HIPK2: variants seen among roughly 807,000 people sequenced by gnomAD.
HIPK2 encodes homeodomain-interacting protein kinase 2.
Under a neutral mutation model 113.7 loss-of-function variants are expected in HIPK2, and 27 were observed. That is an observed-to-expected ratio of 0.24 (90% confidence interval 0.17 to 0.33). The LOEUF (loss-of-function observed/expected upper bound fraction) is 0.33. Among genes scored for constraint, HIPK2 ranks in the 10% least tolerant of loss-of-function variants. The pLI, the probability that HIPK2 is intolerant of heterozygous loss-of-function variation, is 1.00. For missense variants in HIPK2, 1,257 were observed against 1,588.0 expected, an observed-to-expected ratio of 0.79 and a Z score of 3.54; for synonymous variants, 631 against 642.2, an observed-to-expected ratio of 0.98 and a Z score of 0.26.
chr7:139,636,115 T>C (rs6976775), intron 2 of HIPK2, among the ~76,000 whole-genome samples: 31,024 of 152,096 alleles, frequency 0.2, 4,731 homozygotes, highest in African/African-American at 0.43. Flanking sequence ...CTGTCACATC[T>C]GTTGATCAAC....
At chr7:139,732,817 A>ATGTGTG (rs1188145093) in intron 1 of HIPK2, among the ~76,000 whole-genome samples, 41 of 132,122 alleles carry the variant, frequency 3.1e-4, no homozygotes, top group African/African-American at 1.4e-3. Context: ...TATTATATAT[A>ATGTGTG]TATGTGTGTG....
At chr7:139,620,912 A>G (rs1273504599) in intron 6 of HIPK2, among the ~76,000 whole-genome samples, 1 of 152,140 alleles carries the variant, frequency 6.6e-6, no homozygotes, top group Non-Finnish European at 1.5e-5. Flanking sequence ...CTGGCCCACA[A>G]ACCAATGTAT....
chr7:139,727,225 G>A (rs900873513), intron 1 of HIPK2, among the ~76,000 whole-genome samples: 1 of 152,130 alleles, frequency 6.6e-6, no homozygotes, highest in African/African-American at 2.4e-5. Context: ...TGAGTCACAG[G>A]GAAACATCAA....
At chr7:139,710,817 T>C (rs771538571) in intron 2 of HIPK2, among the ~76,000 whole-genome samples, 2 of 152,148 alleles carry the variant, frequency 1.3e-5, no homozygotes, top group Non-Finnish European at 2.9e-5. Context: ...GTTCTTGTGA[T>C]TGTGAGTTCT....
At chr7:139,599,572 C>T (rs554690522) in intron 11 of HIPK2, among the ~76,000 whole-genome samples, 1 of 152,280 alleles carries the variant, frequency 6.6e-6, no homozygotes, top group Admixed American at 6.5e-5. Flanking sequence ...GATTTGTGTT[C>T]TGCTGGTTAG....
At chr7:139,634,072 T>G (rs1585305205) in intron 2 of HIPK2, among the ~76,000 whole-genome samples, 2 of 151,590 alleles carry the variant, frequency 1.3e-5, no homozygotes, top group Non-Finnish European at 2.9e-5. Flanking sequence ...ATTTGCACCA[T>G]TGCACTCCAG....
rs748601389 is a variant in HIPK2 at position 139,600,590 on chromosome 7, C to G, written c.2262G>C (p.Thr754=). ...GATTATAATGGCTTCCGTGAGCATG[C>G]GTATTTCTGAAAGGCAACCGGGACA... is the stretch of plus-strand genomic sequence containing the variant. ...GTQQLADWRN[T]HAHGSHYNPI... Residue 754 remains threonine, a synonymous_variant, in exon 11 of 15, where the codon ACG becomes ACC. Transcript: ENST00000406875. 3 of 1,613,574 alleles carry G rather than the reference C, an allele frequency of 1.9e-6. No homozygotes were observed. Among genetic ancestry groups the G allele is most frequent in the Admixed American group, 1.7e-5 (1 of 60,000 alleles).
At chr7:139,760,053 A>AGT (rs1464502733) in intron 1 of HIPK2, among the ~76,000 whole-genome samples, 1 of 150,356 alleles carries the variant, frequency 6.7e-6, no homozygotes, top group Non-Finnish European at 1.5e-5. Context: ...CCCAGGCTGG[A>AGT]GTGCAGTGGC....
chr7:139,712,126 A>T lies in HIPK2; in HGVS notation c.1103+3806T>A, dbSNP rs1441019953. On this transcript the variant is annotated intron_variant, in intron 2 of 14. Coordinates refer to ENST00000406875, the MANE Select transcript of HIPK2 (RefSeq NM_022740.5). ...CAGCTGACAGTTAATGACATAACTG[A>T]CCTTCGAATTGGAAGGGAATACCCC... Among the ~76,000 whole-genome samples, 3 of 152,204 alleles carry T rather than the reference A, an allele frequency of 2.0e-5. No individual in the cohort carries two copies. In the East Asian group the frequency reaches 5.8e-4, roughly 29 times the overall value.
intron 5 of HIPK2, among the ~76,000 whole-genome samples, chr7:139,627,873 G>A (rs369292882): frequency 5.9e-5 from 9 of 152,368 alleles, no homozygotes; most frequent in African/African-American, 1.9e-4. Context: ...CTGAGACTGT[G>A]TAGCAGATTG....
Position 139,572,907 on chromosome 7 carries a change from CCCT to C in HIPK2, c.*17_*19del. On this transcript the variant is annotated 3_prime_UTR_variant, in exon 15 of 15. Transcript: ENST00000406875. ...CGGGCCATTCTCTCCCTCCCTCCCTCCCTCCCTCCCCTCCAGTGTTTATATGTA... is the reference window on the plus strand; with the variant it reads ...CGGGCCATTCTCTCCCTCCCTCCCTCCCCTCCCCTCCAGTGTTTATATGTA... 1.6e-6 allele frequency: 1 copy of C among 617,806 alleles called. No homozygotes were observed. Among genetic ancestry groups the C allele is most frequent in the South Asian group, 1.9e-5 (1 of 51,948 alleles). 38.3% of individuals were successfully genotyped at this position (617,806 alleles called of 1,614,324 possible).
chr7:139,658,199 A>G (rs868818187), intron 2 of HIPK2, among the ~76,000 whole-genome samples: 12 of 152,162 alleles, frequency 7.9e-5, no homozygotes, highest in South Asian at 4.2e-4. Context: ...CCAGCTACTC[A>G]GGAGGCTGAG....
At chr7:139,640,580 T>C (rs1338331435) in intron 2 of HIPK2, among the ~76,000 whole-genome samples, 1 of 152,224 alleles carries the variant, frequency 6.6e-6, no homozygotes, top group African/African-American at 2.4e-5. Flanking sequence ...TGAACAATAC[T>C]AAACCACTTA....
At chr7:139,701,403 G>C (rs895418774) in intron 2 of HIPK2, among the ~76,000 whole-genome samples, 15,467 of 152,202 alleles carry the variant, frequency 0.1, 1,304 homozygotes, top group African/African-American at 0.21. Flanking sequence ...TAGACATGAG[G>C]CTTAAAACTT....
At chr7:139,741,044 G>C (rs1243846127) in intron 1 of HIPK2, among the ~76,000 whole-genome samples, 1 of 152,150 alleles carries the variant, frequency 6.6e-6, no homozygotes, top group African/African-American at 2.4e-5. Context: ...CTACTCAGGA[G>C]GCTGAGGCAG....
Position 139,573,103 on chromosome 7 carries a change from C to G in HIPK2, c.3421G>C (p.Val1141Leu). 1 of 1,611,756 alleles carries G rather than the reference C, an allele frequency of 6.2e-7. No individual in the cohort carries two copies. Among genetic ancestry groups the G allele is most frequent in the Non-Finnish European group, 8.5e-7 (1 of 1,179,094 alleles). The change falls in exon 15 of 15, where the codon GTC becomes CTC. Residue 1141 changes from valine (V) to leucine (L), a missense_variant. Around this residue, in one of 5 missense-constraint regions of HIPK2, gnomAD observed 862 missense variants for 1,004.3 expected, o/e 0.86. Coordinates refer to ENST00000406875, the MANE Select transcript of HIPK2 (RefSeq NM_022740.5). ...VQHTAYPASIVHQVPVSMGPR... is the reference protein window; with the variant it reads ...VQHTAYPASILHQVPVSMGPR... ...CCCATGCTCACGGGGACCTGGTGGA[C>G]GATGCTGGCTGGGTAGGCAGTGTGC...
At chr7:139,659,905 A>T (rs1801808679) in intron 2 of HIPK2, among the ~76,000 whole-genome samples, 1 of 152,258 alleles carries the variant, frequency 6.6e-6, no homozygotes, top group South Asian at 2.1e-4. Context: ...CTTCAAAAAC[A>T]GACCTATTTA....
chr7:139,776,396 T>C (rs1446740165), intron 1 of HIPK2, among the ~76,000 whole-genome samples: 6 of 151,426 alleles, frequency 4.0e-5, no homozygotes, highest in Non-Finnish European at 8.8e-5. Context: ...GCCCTGAAAC[T>C]AATAACAGAT....
At chr7:139,648,057 A>G (rs1440245881) in intron 2 of HIPK2, among the ~76,000 whole-genome samples, 1 of 152,234 alleles carries the variant, frequency 6.6e-6, no homozygotes, top group Non-Finnish European at 1.5e-5. Flanking sequence ...CAGGGTGGTG[A>G]TGCACACAGC....
Sources: gnomAD v4.1 joint callset for allele counts (sites outside exome capture counted in the v4.1 genomes callset) on GRCh38, gnomAD v4.1.1 for gene constraint, gnomAD v4.1.1 regional missense constraint, MANE v1.5 for transcripts, NCBI Gene and HGNC (gene_info 2026-07-23, HGNC 2026-07-21) for gene names.